Variants in CYLC2 observed in about 807,000 individuals in gnomAD.
CYLC2 encodes the protein cylicin 2.
CYLC2 carries 30 observed loss-of-function variants against 26.1 expected under a neutral mutation model. The observed-to-expected ratio is 1.15, with a 90% CI of 0.86 to 1.56. The LOEUF (loss-of-function observed/expected upper bound fraction) is 1.56, where lower values mean the gene tolerates loss of function less well. CYLC2 is among the 40% of genes most tolerant of loss of function. The probability of loss-of-function intolerance (pLI) is 0.00; values close to 1 mark genes in which losing one functional copy is unlikely to be tolerated. For synonymous variants in CYLC2, 158 were observed against 132.8 expected, an observed-to-expected ratio of 1.19 and a Z score of -1.31; for missense variants, 498 against 394.4, an observed-to-expected ratio of 1.26 and a Z score of -2.23.
intron 2 of CYLC2, 140 bp downstream of exon 2, chr9:103,001,758 C>A: frequency 1.7e-6 from 1 of 585,740 alleles, no homozygotes; most frequent in Non-Finnish European, 3.0e-6. Context: ...ACCTTTCTTA[C>A]AGGCCCAGTG....
chr9:103,011,030 T>TAA (rs1214601683), intron 5 of CYLC2, among the ~76,000 whole-genome samples: 2 of 151,998 alleles, frequency 1.3e-5, no homozygotes, highest in African/African-American at 4.8e-5. Context: ...TTACAAAAAA[T>TAA]AACAACTAGA....
At chr9:102,997,627 A>G (rs992665222) in intron 1 of CYLC2, among the ~76,000 whole-genome samples, 2 of 151,968 alleles carry the variant, frequency 1.3e-5, no homozygotes, top group African/African-American at 2.4e-5. Flanking sequence ...CCAAAAATCT[A>G]GTCTACTAGC....
chr9:102,999,992 C>T (rs371034733), intron 1 of CYLC2, among the ~76,000 whole-genome samples: 1 of 151,734 alleles, frequency 6.6e-6, no homozygotes, highest in East Asian at 1.9e-4. Flanking sequence ...AACATACTTA[C>T]TCCTCCTCTA....
rs370950999 is a variant in CYLC2 at position 103,005,701 on chromosome 9, G to C, written c.*23G>C. ...TAGGCCTTGGATAAGAATTTGAACC[G>C]AAAGAATAATTCAAAAGCATATTTG... is the stretch of plus-strand genomic sequence containing the variant. On this transcript the variant is annotated 3_prime_UTR_variant, in exon 5 of 8. Coordinates refer to ENST00000374798, the MANE Select transcript of CYLC2 (RefSeq NM_001340.5). 6.3e-7 allele frequency: 1 copy of C among 1,580,948 alleles called. No individual in the cohort carries two copies. The highest frequency in any genetic ancestry group is 2.2e-5 in the East Asian group (1 of 44,642).
At chr9:103,006,607 G>A (rs28534446) in intron 5 of CYLC2, among the ~76,000 whole-genome samples, 14,751 of 151,778 alleles carry the variant, frequency 0.097, 853 homozygotes, top group African/African-American at 0.16. Context: ...GTAGAGACGG[G>A]GTTTCACCGT....
At chr9:103,007,692 TTAAA>T (rs1301325933) in intron 5 of CYLC2, among the ~76,000 whole-genome samples, 49 of 152,292 alleles carry the variant, frequency 3.2e-4, no homozygotes, top group African/African-American at 1.1e-3. Context: ...TAACATTTTC[TTAAA>T]TAAACTCAGT....
intron 3 of CYLC2, among the ~76,000 whole-genome samples, chr9:103,004,403 CT>C (rs1829317881): frequency 6.6e-6 from 1 of 151,988 alleles, no homozygotes. Flanking sequence ...AAAAAGCCTC[CT>C]ATGATTGTGA....
At position 103,013,425 on chromosome 9, in the gene CYLC2, C is replaced by T. The variant is rs562105510; in HGVS notation, c.*816+1328C>T. On this transcript the variant is annotated intron_variant, in intron 6 of 7. Transcript: ENST00000374798. The stretch of plus-strand genomic sequence containing the variant: ...AATATATATTTAATATATTGTGTAT[C>T]ATATATACATAATACAGAAATATAT... Among the ~76,000 whole-genome samples, 262 of 53,610 alleles carry T rather than the reference C, an allele frequency of 4.9e-3. 6 individuals are homozygous for T. Among genetic ancestry groups the T allele is most frequent in the African/African-American group, 0.025 (241 of 9,490 alleles). The allele number at this position is 53,610 out of a possible 152,430, so 35.2% of individuals were successfully genotyped here.
At position 103,005,141 on chromosome 9, in the gene CYLC2, G is replaced by C; in HGVS notation, c.510G>C (p.Lys170Asn). The C allele has an allele frequency of 6.2e-7, 1 of 1,606,016 alleles. No individual in the cohort carries two copies. Among genetic ancestry groups the C allele is most frequent in the Non-Finnish European group, 8.5e-7 (1 of 1,177,652 alleles). ...AAAAAGGTAAAAAGGATGCAGAGAA[G>C]GGCAAAGACTCAGCAACAGAATCTG... ...DSKKGKKDAE[K>N]GKDSATESED... Residue 170 changes from lysine (K) to asparagine (N), a missense_variant, in exon 5 of 8, where the codon AAG becomes AAC. By Grantham distance (94) the Lys-to-Asn change is moderately conservative. Transcript: ENST00000374798.
chr9:103,014,373 T>C lies in CYLC2; in HGVS notation c.*816+2276T>C, dbSNP rs190155585. 4.4e-5 allele frequency among the ~76,000 whole-genome samples: 6 copies of C among 136,170 alleles called. No individual in the cohort carries two copies. In the Admixed American group the frequency reaches 4.8e-4, roughly 11 times the overall value. 89.3% of individuals were successfully genotyped at this position (136,170 alleles called of 152,430 possible). On this transcript the variant is annotated intron_variant, in intron 6 of 7. Coordinates refer to ENST00000374798, the MANE Select transcript of CYLC2 (RefSeq NM_001340.5). ...TTACCTAATATTACATAATATACAT[T>C]ATGTATATTACGTAATATAACATAA...
At chr9:103,012,653 T>C (rs1275425707) in intron 6 of CYLC2, among the ~76,000 whole-genome samples, 1 of 152,052 alleles carries the variant, frequency 6.6e-6, no homozygotes, top group Non-Finnish European at 1.5e-5. Context: ...AGTGATAATA[T>C]CTAAATAATA....
At chr9:102,995,730 T>G (rs927884899) in intron 1 of CYLC2, among the ~76,000 whole-genome samples, 1 of 151,808 alleles carries the variant, frequency 6.6e-6, no homozygotes, top group African/African-American at 2.4e-5. Flanking sequence ...GGGAACCACC[T>G]TGGAAATTTC....
intron 2 of CYLC2, among the ~76,000 whole-genome samples, chr9:103,002,510 C>A (rs1422471469): frequency 6.6e-6 from 1 of 151,756 alleles, no homozygotes; most frequent in African/African-American, 2.4e-5. Flanking sequence ...AGACTACAGG[C>A]GCCTGCCACC....
rs201367950 is a variant in CYLC2 at position 103,005,361 on chromosome 9, G to T, written c.730G>T (p.Asp244Tyr). 1.9e-6 allele frequency: 3 copies of T among 1,613,956 alleles called. No individual in the cohort carries two copies. The highest frequency in any genetic ancestry group is 1.6e-4 in the Middle Eastern group (1 of 6,062). The change falls in exon 5 of 8, where the codon GAT becomes TAT. Residue 244 changes from aspartate (D) to tyrosine (Y), a missense_variant. Asp to Tyr is a radical substitution (Grantham distance 160). Coordinates refer to ENST00000374798, the MANE Select transcript of CYLC2 (RefSeq NM_001340.5). Reference sequence around the variant, plus strand: ...AGCTGTAAAAGCAGATGAAAAGAAGGATGAGGATGGAAAAAAAGATGCAAA... The same window carrying T: ...AGCTGTAAAAGCAGATGAAAAGAAGTATGAGGATGGAAAAAAAGATGCAAA... Reference protein sequence around the residue: ...LQAVKADEKKDEDGKKDANKG... With the variant: ...LQAVKADEKKYEDGKKDANKG...
At chr9:103,013,779 TTA>T (rs550760422) in intron 6 of CYLC2, among the ~76,000 whole-genome samples, 2,257 of 107,854 alleles carry the variant, frequency 0.021, 99 homozygotes, top group African/African-American at 0.079. Flanking sequence ...ATATTATATA[TTA>T]TATGATTATA....
At position 103,006,246 on chromosome 9, in the gene CYLC2, A is replaced by G. The variant is rs1829348823; in HGVS notation, c.*568A>G. The G allele has an allele frequency of 1.3e-5, 2 of 152,014 alleles. No homozygotes were observed. The highest frequency in any genetic ancestry group is 6.5e-5 in the Admixed American group (1 of 15,272). The allele number at this position is 152,014 out of a possible 1,614,324, so 9.4% of individuals were successfully genotyped here. On this transcript the variant is annotated 3_prime_UTR_variant, in exon 5 of 8. Transcript: ENST00000374798. ...TAGCATTCCTTTGGCAAAAAGAAAA[A>G]AAAAGTAAAAGAAAAGAAAAAAAAT...
intron 6 of CYLC2, among the ~76,000 whole-genome samples, chr9:103,014,615 T>C (rs1042794046): frequency 7.0e-6 from 1 of 142,848 alleles, no homozygotes; most frequent in Non-Finnish European, 1.5e-5. Context: ...ATACATCATA[T>C]GTATATTATG....
chr9:103,011,292 T>C (rs748450022), intron 5 of CYLC2, among the ~76,000 whole-genome samples: 1 of 152,152 alleles, frequency 6.6e-6, no homozygotes, highest in Non-Finnish European at 1.5e-5. Context: ...TTACCCCCCT[T>C]CATTTTGTTT....
At chr9:102,996,810 AAT>A (rs1258572683) in intron 1 of CYLC2, among the ~76,000 whole-genome samples, 1 of 151,928 alleles carries the variant, frequency 6.6e-6, no homozygotes, top group Non-Finnish European at 1.5e-5. Context: ...TTCCTTCTCT[AAT>A]ACCTTTGCTC....
Sources: allele counts gnomAD v4.1 joint callset (sites outside exome capture counted in the v4.1 genomes callset), GRCh38; gene constraint gnomAD v4.1.1; transcripts MANE v1.5; gene names NCBI Gene and HGNC (gene_info 2026-07-23, HGNC 2026-07-21).